The following STKLD1 variants were observed in gnomAD, a reference collection of about 807,000 sequenced individuals.
STKLD1 encodes the protein serine/threonine kinase-like domain-containing protein STKLD1.
STKLD1 carries 79 observed loss-of-function variants against 80.4 expected under a neutral mutation model. That is an observed-to-expected ratio of 0.98 (90% confidence interval 0.82 to 1.19). STKLD1 has a LOEUF of 1.19. STKLD1 is among the 50% of genes most tolerant of loss of function. STKLD1 has a pLI of 0.00. For synonymous variants in STKLD1, 393 were observed against 357.6 expected (o/e 1.10, Z -1.12); for missense variants, 841 against 856.0 (o/e 0.98, Z 0.22).
chr9:133,397,880 A>G, intron 10 of STKLD1, 92 bp from the exon 11 acceptor site: 1 of 1,017,612 alleles, frequency 9.8e-7, no homozygotes. Flanking sequence ...GGGGATGCAC[A>G]CACAGCAGCC....
Position 133,385,663 on chromosome 9 carries a change from A to C in STKLD1, c.266A>C (p.Gln89Pro), listed in dbSNP as rs782744859. 6.2e-7 allele frequency: 1 copy of C among 1,613,186 alleles called. No individual in the cohort carries two copies. Among genetic ancestry groups the C allele is most frequent in the African/African-American group, 1.3e-5 (1 of 74,930 alleles). ...KLRHAHISVY[Q>P]ELFITWNGEI... ...CGGCACGCCCACATCTCTGTGTACC[A>C]GGAGCTGTTCATCACGTGGAATGGG... The change falls in exon 4 of 18, where the codon CAG (glutamine) becomes CCG (proline). Residue 89 changes from glutamine to proline, a missense_variant. Coordinates refer to ENST00000371957, the MANE Select transcript of STKLD1 (RefSeq NM_153710.5). The surrounding 1 kb of genome is among the most constrained non-coding windows in gnomAD (Gnocchi z 4.9).
intron 12 of STKLD1, 63 bp from the exon 13 acceptor site, chr9:133,401,675 T>G: frequency 6.5e-7 from 1 of 1,538,158 alleles, no homozygotes; most frequent in Non-Finnish European, 8.8e-7. Context: ...GTGAGCCTTG[T>G]GTGTCTGGCC....
At chr9:133,400,239 G>C (rs1158911945) in intron 11 of STKLD1, among the ~76,000 whole-genome samples, 174 bp from the exon 12 acceptor site, 1 of 152,226 alleles carries the variant, frequency 6.6e-6, no homozygotes, top group Non-Finnish European at 1.5e-5. Context: ...GGACACCCGT[G>C]GCAGACATGG....
chr9:133,395,585 C>T lies in STKLD1; in HGVS notation c.703-15C>T, dbSNP rs1554776578. ...TACTTAAGGGAATACACAGAGCTGTCCTCTCTCCGTGCAGGGCACAGAAGC... is the reference window on the plus strand; with the variant it reads ...TACTTAAGGGAATACACAGAGCTGTTCTCTCTCCGTGCAGGGCACAGAAGC... On this transcript the variant is annotated splice_polypyrimidine_tract_variant and intron_variant, in intron 8 of 17. Transcript: ENST00000371957. The T allele has an allele frequency of 1.2e-6, 2 of 1,612,094 alleles. No individual in the cohort carries two copies. Among genetic ancestry groups the T allele is most frequent in the Non-Finnish European group, 1.7e-6 (2 of 1,179,580 alleles).
chr9:133,403,978 G>T lies in STKLD1; in HGVS notation c.1662G>T (p.Arg554=), dbSNP rs782377587. The part of the protein sequence containing the change: ...QVVALLLQSI[R]LCQDRALLVN... ...TGGCGCTGCTCCTGCAAAGCATCCG[G>T]CTGTGCCAGGACAGAGCCCTGCTGG... The change falls in exon 16 of 18, where the codon CGG becomes CGT. Residue 554 remains arginine, a synonymous_variant. Coordinates refer to ENST00000371957, the MANE Select transcript of STKLD1 (RefSeq NM_153710.5). 1.9e-6 allele frequency: 3 copies of T among 1,611,690 alleles called. No homozygotes were observed. The highest frequency in any genetic ancestry group is 3.3e-5 in the Admixed American group (2 of 59,812).
chr9:133,403,949 G>A lies in STKLD1; in HGVS notation c.1633G>A (p.Val545Met), dbSNP rs782700338. The change falls in exon 16 of 18, where the codon GTG (valine) becomes ATG (methionine). Residue 545 changes from valine to methionine, a missense_variant. Physicochemically the swap from Val to Met is conservative, Grantham distance 21. Transcript: ENST00000371957. ...GCIKEQQFEQ[V>M]VALLLQSIRL... ...CATCAAGGAGCAGCAGTTTGAACAA[G>A]TGGTGGCGCTGCTCCTGCAAAGCAT... 7 of 1,609,770 alleles carry A rather than the reference G, an allele frequency of 4.3e-6. No individual in the cohort carries two copies. The African/African-American group carries it at 9.3e-5, about 21-fold the overall frequency.
chr9:133,402,847 C>G (rs995927640), intron 13 of STKLD1, 31 bp from the exon 14 acceptor site: 1 of 1,589,332 alleles, frequency 6.3e-7, no homozygotes, highest in Non-Finnish European at 8.6e-7. Flanking sequence ...GAGGGAGGGG[C>G]CCTGGGGCCC....
chr9:133,393,228 T>C (rs796927331), intron 7 of STKLD1, among the ~76,000 whole-genome samples: 1 of 73,612 alleles, frequency 1.4e-5, no homozygotes, highest in Non-Finnish European at 3.1e-5. Flanking sequence ...GGATGGATGG[T>C]TGGACGGATG....
intron 7 of STKLD1, among the ~76,000 whole-genome samples, chr9:133,392,666 G>A (rs1404201620): frequency 0.025 from 2,944 of 117,444 alleles, 363 homozygotes; most frequent in African/African-American, 0.033. Flanking sequence ...TGGATGGGTG[G>A]GTGGGTGAGT....
At chr9:133,379,235 C>T (rs926762102) in intron 2 of STKLD1, 113 bp downstream of exon 2, 5 of 865,202 alleles carry the variant, frequency 5.8e-6, no homozygotes, top group South Asian at 1.7e-5. Flanking sequence ...CTGGATTCCT[C>T]GCTGCTGACA....
At chr9:133,403,296 A>G (rs1554778046) in intron 14 of STKLD1, among the ~76,000 whole-genome samples, 1 of 152,226 alleles carries the variant, frequency 6.6e-6, no homozygotes, top group Non-Finnish European at 1.5e-5. Flanking sequence ...GCCCAGGGAA[A>G]TGTCCTGGGA....
chr9:133,394,008 G>T lies in STKLD1; in HGVS notation c.584-283G>T. 1 of 413,620 alleles carries T rather than the reference G, an allele frequency of 2.4e-6. No individual in the cohort carries two copies. Among genetic ancestry groups the T allele is most frequent in the Non-Finnish European group, 4.4e-6 (1 of 227,474 alleles). The allele number at this position is 413,620 out of a possible 1,614,324, so 25.6% of individuals were successfully genotyped here. A position where few individuals can be genotyped will look rare whatever the true frequency, so the allele number is the denominator to read the frequency against. Reference sequence around the variant, plus strand: ...CCAACTCCTTCTACAGCCATCCAGGGCACACAGACACACCACCTATATGGG... The same window carrying T: ...CCAACTCCTTCTACAGCCATCCAGGTCACACAGACACACCACCTATATGGG... On this transcript the variant is annotated intron_variant, in intron 7 of 17. Coordinates refer to ENST00000371957, the MANE Select transcript of STKLD1 (RefSeq NM_153710.5). The surrounding 1 kb of genome is among the most constrained non-coding windows in gnomAD (Gnocchi z 4.9).
At chr9:133,398,719 T>C (rs782443462) in intron 11 of STKLD1, among the ~76,000 whole-genome samples, 3 of 152,192 alleles carry the variant, frequency 2.0e-5, no homozygotes, top group Admixed American at 6.5e-5. Flanking sequence ...ATTGAGGCTA[T>C]AGTGAGCTAC....
chr9:133,403,272 T>C (rs1838756836), intron 14 of STKLD1, among the ~76,000 whole-genome samples: 1 of 152,162 alleles, frequency 6.6e-6, no homozygotes, highest in Admixed American at 6.5e-5. Context: ...ACCCCTCAGT[T>C]TTAAGTGCCT....
At chr9:133,395,128 AC>A (rs1554776530) in intron 8 of STKLD1, among the ~76,000 whole-genome samples, 1 of 152,112 alleles carries the variant, frequency 6.6e-6, no homozygotes, top group African/African-American at 2.4e-5. Flanking sequence ...ACCTGGCTGG[AC>A]CCAGGTTCCC....
At position 133,405,475 on chromosome 9, in the gene STKLD1, C is replaced by T; in HGVS notation, c.*54C>T. 1 of 1,512,274 alleles carries T rather than the reference C, an allele frequency of 6.6e-7. No individual in the cohort carries two copies. The highest frequency in any genetic ancestry group is 1.2e-5 in the South Asian group (1 of 80,134). The allele number at this position is 1,512,274 out of a possible 1,614,324, so 93.7% of individuals were successfully genotyped here. On this transcript the variant is annotated 3_prime_UTR_variant, in exon 18 of 18. Transcript: ENST00000371957. The stretch of plus-strand genomic sequence containing the variant: ...CACGTGTATAGTTTTCAAGACTGCT[C>T]TCCTGCCTGCCTATTATCCCATCTC...
chr9:133,396,773 A>C (rs1038658121), intron 9 of STKLD1, among the ~76,000 whole-genome samples: 7 of 152,166 alleles, frequency 4.6e-5, no homozygotes, highest in African/African-American at 1.4e-4. Context: ...AAACCCAAAC[A>C]AAACAAAACA....
chr9:133,388,932 G>A, intron 5 of STKLD1: 1 of 985,404 alleles, frequency 1.0e-6, no homozygotes, highest in Non-Finnish European at 1.2e-6. Context: ...AGTAAGTGCA[G>A]CAGACCTACT....
chr9:133,405,212 G>A (rs781834104), intron 17 of STKLD1, 40 bp from the exon 18 acceptor site: 5 of 1,556,422 alleles, frequency 3.2e-6, no homozygotes, highest in Non-Finnish European at 4.3e-6. Context: ...AGGGGCACAG[G>A]AAGGACTCTG....
Sources: gnomAD v4.1 joint callset for allele counts (sites outside exome capture counted in the v4.1 genomes callset) on GRCh38, gnomAD v4.1.1 for gene constraint, Gnocchi (gnomAD v3.1) non-coding constraint, MANE v1.5 for transcripts, NCBI Gene and HGNC (gene_info 2026-07-23, HGNC 2026-07-21) for gene names.